The following PIWIL1 variants were observed in gnomAD, a reference collection of about 807,000 sequenced individuals.
PIWIL1 encodes the protein piwi-like protein 1.
A neutral mutation model predicts 114.4 loss-of-function variants in PIWIL1; 73 were observed. That is an observed-to-expected ratio of 0.64 (90% CI 0.53 to 0.78). The LOEUF (loss-of-function observed/expected upper bound fraction) is 0.78, where lower values mean the gene tolerates loss of function less well. Among genes scored for constraint, PIWIL1 ranks in the 30% least tolerant of loss-of-function variants. The pLI is 0.00. For missense variants in PIWIL1, 723 were observed against 1,063.1 expected, an observed-to-expected ratio of 0.68 and a Z score of 4.45; for synonymous variants, 375 against 369.0, an observed-to-expected ratio of 1.02 and a Z score of -0.19.
chr12:130,420,212 C>T, the PIWIL1 span, among the ~76,000 whole-genome samples: 9 of 152,176 alleles, frequency 5.9e-5, no homozygotes, highest in Non-Finnish European at 1.0e-4. The surrounding 1 kb of genome is among the most constrained non-coding windows in gnomAD (Gnocchi z 4.3). Flanking sequence ...AAGCACCCTC[C>T]GCTTCTGTTT....
At chr12:130,392,455 G>T in the PIWIL1 span, among the ~76,000 whole-genome samples, 10 of 73,432 alleles carry the variant, frequency 1.4e-4, no homozygotes, top group Admixed American at 4.3e-4. Context: ...CAGTTACCTG[G>T]TGAATATTGA....
At chr12:130,370,901 C>T (rs755580954) in intron 19 of PIWIL1, among the ~76,000 whole-genome samples, 2 of 152,072 alleles carry the variant, frequency 1.3e-5, no homozygotes, top group African/African-American at 4.8e-5. Context: ...TTTTAGCGCC[C>T]GTAACAAATG....
the PIWIL1 span, among the ~76,000 whole-genome samples, chr12:130,412,980 A>C: frequency 6.6e-6 from 1 of 152,112 alleles, no homozygotes; most frequent in Non-Finnish European, 1.5e-5. Context: ...TATGACTCTG[A>C]CTTAAGAGCC....
the PIWIL1 span, among the ~76,000 whole-genome samples, chr12:130,403,129 C>A: frequency 1.3e-5 from 2 of 152,066 alleles, no homozygotes; most frequent in Admixed American, 6.6e-5. Flanking sequence ...TTCGCTCTCT[C>A]GAGATGTTTA....
At chr12:130,423,787 A>G in the PIWIL1 span, among the ~76,000 whole-genome samples, 3 of 152,014 alleles carry the variant, frequency 2.0e-5, no homozygotes, top group African/African-American at 7.2e-5. Context: ...GTAGTCATAA[A>G]TAAATCCCTA....
At chr12:130,424,870 G>T in the PIWIL1 span, 1 of 1,229,268 alleles carries the variant, frequency 8.1e-7, no homozygotes. This position sits in a 1 kb window ranked among gnomAD's most constrained non-coding sequence, Gnocchi z 9.8. Flanking sequence ...TTACGGGGTG[G>T]TGTGTCAAGA....
intron 18 of PIWIL1, chr12:130,366,513 G>C (rs2073663010): frequency 6.6e-6 from 1 of 152,388 alleles, no homozygotes; most frequent in South Asian, 2.1e-4. Context: ...GGCTAAAAAG[G>C]GCAGCCTCTA....
chr12:130,398,455 T>C, the PIWIL1 span: 1 of 152,688 alleles, frequency 6.5e-6, no homozygotes, highest in Non-Finnish European at 1.5e-5. Context: ...AAAGTACACC[T>C]GAAGATACCA....
chr12:130,376,571 C>T (rs564223768), downstream of PIWIL1, among the ~76,000 whole-genome samples: 11 of 152,314 alleles, frequency 7.2e-5, no homozygotes, highest in Admixed American at 2.0e-4. Context: ...GTTCCAGCTC[C>T]GTAAATCAGG....
At chr12:130,350,233 G>A (rs1018360320) in intron 9 of PIWIL1, among the ~76,000 whole-genome samples, 2 of 152,318 alleles carry the variant, frequency 1.3e-5, no homozygotes, top group Middle Eastern at 6.8e-3. Context: ...GCCTATGGAG[G>A]ACAAGTAGGT....
the PIWIL1 span, among the ~76,000 whole-genome samples, chr12:130,421,358 C>T: frequency 6.6e-6 from 1 of 152,196 alleles, no homozygotes; most frequent in Non-Finnish European, 1.5e-5. Context: ...GGATCTTTAA[C>T]ATTGCATGAA....
the PIWIL1 span, among the ~76,000 whole-genome samples, chr12:130,384,613 G>T: frequency 6.6e-6 from 1 of 152,180 alleles, no homozygotes; most frequent in African/African-American, 2.4e-5. Flanking sequence ...AGTGTTTCCT[G>T]GGATGCCCAG....
intron 3 of PIWIL1, among the ~76,000 whole-genome samples, chr12:130,343,958 T>C (rs1006578202): frequency 2.6e-5 from 4 of 152,112 alleles, no homozygotes; most frequent in Non-Finnish European, 5.9e-5. Flanking sequence ...CACAGTGGTG[T>C]GAGGTCTGAT....
chr12:130,417,622 G>A, the PIWIL1 span, among the ~76,000 whole-genome samples: 5 of 152,226 alleles, frequency 3.3e-5, no homozygotes, highest in African/African-American at 7.2e-5. Flanking sequence ...CTGACGGGGC[G>A]CTATGCTCAC....
At chr12:130,409,672 T>A in the PIWIL1 span, among the ~76,000 whole-genome samples, 1 of 152,102 alleles carries the variant, frequency 6.6e-6, no homozygotes, top group Non-Finnish European at 1.5e-5. Flanking sequence ...CAGGCTTCTT[T>A]CATCTGGATG....
At chr12:130,414,632 C>T in the PIWIL1 span, 1 of 225,324 alleles carries the variant, frequency 4.4e-6, no homozygotes, top group Non-Finnish European at 8.8e-6. Context: ...TGCTGGGGAG[C>T]CTTCCCAGGA....
At chr12:130,417,347 A>G in the PIWIL1 span, among the ~76,000 whole-genome samples, 562 of 152,374 alleles carry the variant, frequency 3.7e-3, no homozygotes, top group Non-Finnish European at 5.6e-3. Flanking sequence ...CTAGATGCTC[A>G]TCAACAGTGG....
chr12:130,370,756 A>G (rs997302611), intron 19 of PIWIL1, among the ~76,000 whole-genome samples: 1 of 152,216 alleles, frequency 6.6e-6, no homozygotes, highest in Admixed American at 6.5e-5. Context: ...TGGTAAAAGC[A>G]TGTTTGGGGA....
intron 16 of PIWIL1, 85 bp from the exon 17 acceptor site, chr12:130,362,681 G>T: frequency 8.8e-7 from 1 of 1,140,776 alleles, no homozygotes. Context: ...AGATTGCTAA[G>T]AGTGAAATAA....
Sources: gnomAD v4.1 joint callset for allele counts (sites outside exome capture counted in the v4.1 genomes callset) on GRCh38, gnomAD v4.1.1 for gene constraint, Gnocchi (gnomAD v3.1) non-coding constraint, MANE v1.5 for transcripts, NCBI Gene and HGNC (gene_info 2026-07-23, HGNC 2026-07-21) for gene names.